Variants in LYN observed in about 807,000 individuals in gnomAD.
The protein encoded by LYN is LYN proto-oncogene, Src family tyrosine kinase.
LYN carries 12 observed loss-of-function variants against 65.0 expected under a neutral mutation model. That is an observed-to-expected ratio of 0.18 (90% CI 0.12 to 0.30). LYN has a LOEUF of 0.30. LYN is among the 10% of genes least tolerant of loss of function. LYN has a pLI of 1.00. For missense variants in LYN, 380 were observed against 623.2 expected, an observed-to-expected ratio of 0.61 and a Z score of 4.16; for synonymous variants, 222 against 221.2, an observed-to-expected ratio of 1.00 and a Z score of -0.03.
At chr8:55,947,881 G>A (rs920116902) in intron 4 of LYN, among the ~76,000 whole-genome samples, 158 bp downstream of exon 4, 3 of 152,212 alleles carry the variant, frequency 2.0e-5, no homozygotes, top group Non-Finnish European at 4.4e-5. Context: ...GTGGGCAGTG[G>A]AAGGAATAGA....
At chr8:55,983,727 G>A (rs1563323868) in intron 10 of LYN, among the ~76,000 whole-genome samples, 1 of 152,126 alleles carries the variant, frequency 6.6e-6, no homozygotes, top group Non-Finnish European at 1.5e-5. Flanking sequence ...ACTGTTCTCT[G>A]CTTTTCCTTC....
chr8:55,928,482 T>A (rs1806174251), intron 1 of LYN, among the ~76,000 whole-genome samples: 1 of 152,186 alleles, frequency 6.6e-6, no homozygotes, highest in Non-Finnish European at 1.5e-5. Context: ...AGGTGACATA[T>A]GATATGGAGC....
At chr8:56,005,011 C>T (rs1808635205) in intron 12 of LYN, among the ~76,000 whole-genome samples, 1 of 152,120 alleles carries the variant, frequency 6.6e-6, no homozygotes, top group South Asian at 2.1e-4. Context: ...TTTCTAACTC[C>T]TGGGTCAACT....
chr8:56,001,347 G>C (rs1808505695), intron 12 of LYN, among the ~76,000 whole-genome samples: 1 of 152,208 alleles, frequency 6.6e-6, no homozygotes. Context: ...GTGGCTCAGG[G>C]AGAGACTTAC....
intron 1 of LYN, among the ~76,000 whole-genome samples, chr8:55,888,943 T>G (rs1311633985): frequency 6.6e-6 from 1 of 152,216 alleles, no homozygotes; most frequent in Non-Finnish European, 1.5e-5. Flanking sequence ...CCACACTGGC[T>G]TTTTGTATTA....
At chr8:55,885,053 C>T (rs1342614905) in intron 1 of LYN, among the ~76,000 whole-genome samples, 1 of 152,182 alleles carries the variant, frequency 6.6e-6, no homozygotes, top group Non-Finnish European at 1.5e-5. Context: ...CCTTCTTCTG[C>T]TCTCCCCACT....
rs373950235 is a variant in LYN at position 55,950,806 on chromosome 8, C to G, written c.487+22C>G. ...AAAGGTAGGAAATTGTTCAAAGCCTCTTTTAAAACACTATTTAGGAAATTA... is the reference window on the plus strand; with the variant it reads ...AAAGGTAGGAAATTGTTCAAAGCCTGTTTTAAAACACTATTTAGGAAATTA... On this transcript the variant is annotated intron_variant, in intron 6 of 12. Coordinates refer to ENST00000519728, the MANE Select transcript of LYN (RefSeq NM_002350.4). 46 of 1,474,098 alleles carry G rather than the reference C, an allele frequency of 3.1e-5. 1 individual carries two copies. The highest frequency in any genetic ancestry group is 2.5e-4 in the East Asian group (11 of 44,252). 91.3% of individuals were successfully genotyped at this position (1,474,098 alleles called of 1,614,324 possible).
chr8:55,950,644 A>T, intron 5 of LYN, 37 bp from the exon 6 acceptor site: 1 of 1,580,738 alleles, frequency 6.3e-7, no homozygotes, highest in East Asian at 2.2e-5. Flanking sequence ...CTTGCCGTGG[A>T]ACATAATATG....
At chr8:55,931,435 A>G (rs1035711117) in intron 1 of LYN, among the ~76,000 whole-genome samples, 2 of 150,918 alleles carry the variant, frequency 1.3e-5, no homozygotes, top group East Asian at 1.9e-4. Flanking sequence ...CTGATTTTAT[A>G]CATATATAAA....
intron 3 of LYN, 89 bp downstream of exon 3, chr8:55,946,582 T>C: frequency 1.2e-6 from 1 of 866,908 alleles, no homozygotes; most frequent in Non-Finnish European, 1.9e-6. Context: ...TTTATTTTTT[T>C]TTATTGTGGG....
intron 4 of LYN, among the ~76,000 whole-genome samples, 184 bp from the exon 5 acceptor site, chr8:55,950,275 G>A (rs1806902983): frequency 6.6e-6 from 1 of 152,148 alleles, no homozygotes; most frequent in South Asian, 2.1e-4. Flanking sequence ...TCTTTCTTGG[G>A]TATATGTCAA....
intron 10 of LYN, among the ~76,000 whole-genome samples, chr8:55,987,031 T>G (rs1175663982): frequency 6.6e-6 from 1 of 152,228 alleles, no homozygotes; most frequent in African/African-American, 2.4e-5. Flanking sequence ...TGACCATTTT[T>G]TAAATTATCT....
intron 1 of LYN, among the ~76,000 whole-genome samples, chr8:55,921,902 G>T (rs1388865643): frequency 1.3e-5 from 2 of 152,082 alleles, no homozygotes; most frequent in African/African-American, 4.8e-5. Flanking sequence ...TACAAGTGCC[G>T]AACAATGTTT....
intron 1 of LYN, among the ~76,000 whole-genome samples, chr8:55,923,196 T>A (rs773424991): frequency 7.0e-4 from 107 of 152,224 alleles, no homozygotes; most frequent in Middle Eastern, 3.2e-3. Flanking sequence ...AATTTAAAAA[T>A]TTTTTGAAAC....
In LYN at chr8:55,999,316, G is replaced by A. The variant is rs1309409720; in HGVS notation, c.1205-102G>A. On this transcript the variant is annotated intron_variant, in intron 11 of 12. Transcript: ENST00000519728. ...GCCTGGGTGACAAGAGTGAAACTCC[G>A]CCTCAAAAAAAGAAAAGAAAAGAAA... 6.6e-5 allele frequency: 68 copies of A among 1,024,508 alleles called. 1 individual carries two copies. Among genetic ancestry groups the A allele is most frequent in the Non-Finnish European group, 7.6e-5 (52 of 686,256 alleles). The allele number at this position is 1,024,508 out of a possible 1,614,324, so 63.5% of individuals were successfully genotyped here.
At chr8:55,958,989 G>A (rs1807200291) in intron 8 of LYN, among the ~76,000 whole-genome samples, 1 of 152,186 alleles carries the variant, frequency 6.6e-6, no homozygotes, top group African/African-American at 2.4e-5. Context: ...TGGAATGGCT[G>A]GATCCTGTAA....
At chr8:55,984,740 C>T (rs528913609) in intron 10 of LYN, among the ~76,000 whole-genome samples, 2 of 152,188 alleles carry the variant, frequency 1.3e-5, no homozygotes, top group Non-Finnish European at 2.9e-5. Context: ...TCAGATAACC[C>T]CCTCACTCTC....
intron 10 of LYN, among the ~76,000 whole-genome samples, chr8:55,996,852 G>A (rs369076388): frequency 1.4e-4 from 21 of 152,140 alleles, no homozygotes; most frequent in East Asian, 7.7e-4. Context: ...GAATCTTGCC[G>A]GGCGTGGTGG....
intron 1 of LYN, among the ~76,000 whole-genome samples, chr8:55,926,244 T>C (rs1806107176): frequency 6.6e-6 from 1 of 152,196 alleles, no homozygotes; most frequent in Admixed American, 6.5e-5. Context: ...ATTATATCCA[T>C]TGAATGGCAT....
Sources: gnomAD v4.1 joint callset for allele counts (sites outside exome capture counted in the v4.1 genomes callset) on GRCh38, gnomAD v4.1.1 for gene constraint, MANE v1.5 for transcripts, NCBI Gene and HGNC (gene_info 2026-07-23, HGNC 2026-07-21) for gene names.